FAM110C: variants seen among roughly 807,000 people sequenced by gnomAD.
FAM110C encodes protein FAM110C.
Under a neutral mutation model 15.7 loss-of-function variants are expected in FAM110C, and 19 were observed. The observed-to-expected ratio is 1.21, with a 90% CI of 0.85 to 1.78. The LOEUF is 1.78. Ranked by LOEUF, FAM110C falls within the 40% of genes most tolerant of loss-of-function variation. The pLI, the probability that FAM110C is intolerant of heterozygous loss-of-function variation, is 0.00. For missense variants in FAM110C, 547 were observed against 495.7 expected (o/e 1.10, Z -0.98); for synonymous variants, 275 against 233.9 (o/e 1.18, Z -1.61).
chr2:45,437 C>T lies in FAM110C; in HGVS notation c.946+3G>A, dbSNP rs1664248332. The T allele has an allele frequency of 1.2e-6, 2 of 1,603,540 alleles. No homozygotes were observed. Among genetic ancestry groups the T allele is most frequent in the Non-Finnish European group, 1.7e-6 (2 of 1,173,112 alleles). Reference sequence around the variant, plus strand: ...CCCCGCCCCCAGCCTTCTGGGCACACACCTCGGGTCCGGCTCTGCTCCTGG... The same window carrying T: ...CCCCGCCCCCAGCCTTCTGGGCACATACCTCGGGTCCGGCTCTGCTCCTGG... On this transcript the variant is annotated splice_donor_region_variant and intron_variant, in intron 1 of 1. Transcript: ENST00000327669.
At position 42,252 on chromosome 2, in the gene FAM110C, G is replaced by T. The variant is rs143152150; in HGVS notation, c.947-625C>A. On this transcript the variant is annotated intron_variant, in intron 1 of 1. Transcript: ENST00000327669. ...CAACTCTGTTCCAGGAGCTTTCGAT[G>T]CGCTTCTACAGGTATTTCTTTTTTC... is the stretch of plus-strand genomic sequence containing the variant. 147 of 985,372 alleles carry T rather than the reference G, an allele frequency of 1.5e-4. No homozygotes were observed. The African/African-American group carries it at 2.5e-3, about 17-fold the overall frequency. 61.0% of individuals were successfully genotyped at this position (985,372 alleles called of 1,614,324 possible). A position where few individuals can be genotyped will look rare whatever the true frequency, so the allele number is the denominator to read the frequency against.
rs1664055657 is a variant in FAM110C, at chr2:38,948, G to C, written c.*2660C>G. 6.6e-6 allele frequency: 1 copy of C among 152,178 alleles called. No individual in the cohort carries two copies. Among genetic ancestry groups the C allele is most frequent in the Non-Finnish European group, 1.5e-5 (1 of 68,032 alleles). The allele number at this position is 152,178 out of a possible 1,614,324, so 9.4% of individuals were successfully genotyped here. On this transcript the variant is annotated 3_prime_UTR_variant, in exon 2 of 2. Transcript: ENST00000327669. Reference sequence around the variant, plus strand: ...TGTCTAAGTCTACTAATGTTTTCTGGCATCACCAATGATAACCACAGTGCT... The same window carrying C: ...TGTCTAAGTCTACTAATGTTTTCTGCCATCACCAATGATAACCACAGTGCT...
rs1032780963 is a variant in FAM110C at position 46,458 on chromosome 2, C to T, written c.-73G>A. On this transcript the variant is annotated 5_prime_UTR_variant, in exon 1 of 2. Transcript: ENST00000327669. ...GCTCGAGTGGTAGAGCCAGTCAGTC[C>T]CAGGGCCGGTTCCGAAGTCCGCGCC... 8.5e-6 allele frequency: 10 copies of T among 1,170,460 alleles called. No individual in the cohort carries two copies. Among genetic ancestry groups the T allele is most frequent in the Non-Finnish European group, 9.7e-6 (9 of 926,542 alleles). 72.5% of individuals were successfully genotyped at this position (1,170,460 alleles called of 1,614,324 possible).
At chr2:42,801 A>T (rs1664160086) in intron 1 of FAM110C, 2 of 984,086 alleles carry the variant, frequency 2.0e-6, no homozygotes. Flanking sequence ...TTCACTTAGA[A>T]AACCTACCTT....
rs2103273870 is a variant in FAM110C, at chr2:45,977, C to A, written c.409G>T (p.Val137Leu). 1 of 1,458,068 alleles carries A rather than the reference C, an allele frequency of 6.9e-7. No individual in the cohort carries two copies. The highest frequency in any genetic ancestry group is 2.7e-5 in the East Asian group (1 of 37,454). The allele number at this position is 1,458,068 out of a possible 1,614,324, so 90.3% of individuals were successfully genotyped here. A position where few individuals can be genotyped will look rare whatever the true frequency, so the allele number is the denominator to read the frequency against. Residue 137 changes from valine to leucine, a missense_variant, in exon 1 of 2, where the codon GTG (valine) becomes TTG (leucine). By Grantham distance (32) the Val-to-Leu change is conservative. Transcript: ENST00000327669. ...TTGCCCTCGTCTCCCGTCCGGGGCA[C>A]CGGCGCCTTGTCCTTACCCGGCCCC... ...FQGPGKDKAPVPRTGDEGKAG... is the reference protein window; with the variant it reads ...FQGPGKDKAPLPRTGDEGKAG...
intron 1 of FAM110C, chr2:45,080 G>A (rs1046502848): frequency 2.0e-6 from 2 of 985,274 alleles, no homozygotes; most frequent in Non-Finnish European, 2.4e-6. Context: ...TTCAGCTCAG[G>A]AAAGAATACT....
intron 1 of FAM110C, chr2:44,968 C>A (rs76311939): frequency 2.0e-6 from 2 of 985,386 alleles, no homozygotes; most frequent in Middle Eastern, 5.2e-4. Flanking sequence ...AACACAGCAG[C>A]GCCTACCTAG....
intron 1 of FAM110C, chr2:42,979 C>CT: frequency 1.0e-6 from 1 of 985,470 alleles, no homozygotes; most frequent in Non-Finnish European, 1.2e-6. Context: ...GCCCCACTGA[C>CT]CAGGTGTTCA....
At position 45,957 on chromosome 2, in the gene FAM110C, C is replaced by T. The variant is rs774791132; in HGVS notation, c.429G>A (p.Glu143=). ...CCGTCTCCGGGTTCCCGGCCTTGCC[C>T]TCGTCTCCCGTCCGGGGCACCGGCG... ...DKAPVPRTGD[E]GKAGNPETVP... Residue 143 remains glutamate (E), a synonymous_variant, in exon 1 of 2, where the codon GAG becomes GAA. Coordinates refer to ENST00000327669, the MANE Select transcript of FAM110C (RefSeq NM_001077710.3). The T allele has an allele frequency of 6.9e-7, 1 of 1,440,618 alleles. No homozygotes were observed. The highest frequency in any genetic ancestry group is 9.1e-7 in the Non-Finnish European group (1 of 1,104,226). The allele number at this position is 1,440,618 out of a possible 1,614,324, so 89.2% of individuals were successfully genotyped here. A position where few individuals can be genotyped will look rare whatever the true frequency, so the allele number is the denominator to read the frequency against.
rs1426466340 is a variant in FAM110C, at chr2:46,216, C to A, written c.170G>T (p.Gly57Val). The A allele has an allele frequency of 7.2e-7, 1 of 1,385,878 alleles. No individual in the cohort carries two copies. The highest frequency in any genetic ancestry group is 3.4e-5 in the Admixed American group (1 of 29,654). 85.8% of individuals were successfully genotyped at this position (1,385,878 alleles called of 1,614,324 possible). A position where few individuals can be genotyped will look rare whatever the true frequency, so the allele number is the denominator to read the frequency against. ...CGGGCCGCTGCCCTCGGAAGCGACG[C>A]CCCGGCCAGTCCCCGGCCGACCCCG... ...YVRGRPGTGR[G>V]VASEGSGPGA... Residue 57 changes from glycine to valine, a missense_variant, in exon 1 of 2, where the codon GGC (glycine) becomes GTC (valine). By Grantham distance (109) the Gly-to-Val change is moderately radical (BLOSUM62 -3). Coordinates refer to ENST00000327669, the MANE Select transcript of FAM110C (RefSeq NM_001077710.3).
At position 45,871 on chromosome 2, in the gene FAM110C, G is replaced by A; in HGVS notation, c.515C>T (p.Ala172Val). 2 of 1,488,750 alleles carry A rather than the reference G, an allele frequency of 1.3e-6. No individual in the cohort carries two copies. Among genetic ancestry groups the A allele is most frequent in the Non-Finnish European group, 1.8e-6 (2 of 1,128,968 alleles). 92.2% of individuals were successfully genotyped at this position (1,488,750 alleles called of 1,614,324 possible). ...GACACTGGAGGGCGCCGCGGACCGC[G>A]CGGCTGGGGCTGGGGTCTCGGGGAT... is the stretch of plus-strand genomic sequence containing the variant. ...PAIPETPAPA[A>V]RSAAPSSVPA... is the part of the protein sequence containing the mutation. Residue 172 changes from alanine to valine, a missense_variant, in exon 1 of 2, where the codon GCG becomes GTG. Transcript: ENST00000327669.
At position 41,350 on chromosome 2, in the gene FAM110C, A is replaced by G; in HGVS notation, c.*258T>C. On this transcript the variant is annotated 3_prime_UTR_variant, in exon 2 of 2. Transcript: ENST00000327669. ...ATTTCCAAACAGCTTTACGGTTTCCAGCTGCCCTCTGGAAGCAACACTAGT... is the reference window on the plus strand; with the variant it reads ...ATTTCCAAACAGCTTTACGGTTTCCGGCTGCCCTCTGGAAGCAACACTAGT... The G allele has an allele frequency of 2.5e-6, 1 of 406,170 alleles. No individual in the cohort carries two copies. The highest frequency in any genetic ancestry group is 4.3e-6 in the Non-Finnish European group (1 of 229,964). 25.2% of individuals were successfully genotyped at this position (406,170 alleles called of 1,614,324 possible). A position where few individuals can be genotyped will look rare whatever the true frequency, so the allele number is the denominator to read the frequency against.
chr2:45,398 C>A, intron 1 of FAM110C, 42 bp downstream of exon 1: 2 of 1,566,206 alleles, frequency 1.3e-6, no homozygotes, highest in Non-Finnish European at 1.7e-6. Context: ...ATTCACAGCC[C>A]CGCACACGGC....
chr2:41,623 G>T lies in FAM110C; in HGVS notation c.951C>A (p.Ser317Arg), dbSNP rs773351807. 4 of 1,613,262 alleles carry T rather than the reference G, an allele frequency of 2.5e-6. No homozygotes were observed. The highest frequency in any genetic ancestry group is 1.7e-6 in the Non-Finnish European group (2 of 1,179,738). Residue 317 changes from serine to arginine, a missense_variant, in exon 2 of 2, where the codon AGC becomes AGA. Physicochemically the swap from Ser to Arg is moderately radical, Grantham distance 110 (BLOSUM62 -1). Transcript: ENST00000327669. The part of the protein sequence containing the change: ...PSQEQSRTRG[S>R]KPSR ...GAAGTCTTCATCATCGGGAAGGTTT[G>T]CTTCCTGAGGAGTTAAAGAAAAAAT...
Position 45,596 on chromosome 2 carries a change from T to G in FAM110C, c.790A>C (p.Ser264Arg), listed in dbSNP as rs1172115867. Residue 264 changes from serine (S) to arginine (R), a missense_variant, in exon 1 of 2, where the codon AGC (serine) becomes CGC (arginine). Ser to Arg is a moderately radical substitution (Grantham distance 110). Transcript: ENST00000327669. ...ATSGSGFSRH[S>R]GGDDEGLQEE... ...TGCAGCCCCTCGTCGTCGCCGCCGCTGTGCCGGGAGAAGCCGCTGCCGGAG... is the reference window on the plus strand; with the variant it reads ...TGCAGCCCCTCGTCGTCGCCGCCGCGGTGCCGGGAGAAGCCGCTGCCGGAG... 1 of 1,612,526 alleles carries G rather than the reference T, an allele frequency of 6.2e-7. No homozygotes were observed. Among genetic ancestry groups the G allele is most frequent in the East Asian group, 2.2e-5 (1 of 44,860 alleles).
chr2:44,488 T>C lies in FAM110C; in HGVS notation c.946+952A>G, dbSNP rs868680890. Reference sequence around the variant, plus strand: ...AGAAAATAATTTCATCTCATGATTTTTAAAATTTACTTATAGCAAGTTGTC... The same window carrying C: ...AGAAAATAATTTCATCTCATGATTTCTAAAATTTACTTATAGCAAGTTGTC... On this transcript the variant is annotated intron_variant, in intron 1 of 1. Transcript: ENST00000327669. 103 of 985,288 alleles carry C rather than the reference T, an allele frequency of 1.0e-4. No homozygotes were observed. The African/African-American group carries it at 1.7e-3, about 16-fold the overall frequency. The allele number at this position is 985,288 out of a possible 1,614,324, so 61.0% of individuals were successfully genotyped here.
intron 1 of FAM110C, chr2:42,012 G>A: frequency 1.0e-6 from 1 of 985,378 alleles, no homozygotes; most frequent in Non-Finnish European, 1.2e-6. Context: ...ATATCTGAGG[G>A]CAAACAGATT....
At chr2:41,667 T>C in intron 1 of FAM110C, 40 bp from the exon 2 acceptor site, 1 of 1,612,580 alleles carries the variant, frequency 6.2e-7, no homozygotes, top group Non-Finnish European at 8.5e-7. Context: ...AACTCCAGTC[T>C]AGACAAAAGT....
intron 1 of FAM110C, chr2:44,834 T>C: frequency 1.0e-6 from 1 of 985,420 alleles, no homozygotes; most frequent in Non-Finnish European, 1.2e-6. Context: ...AAATAAAATT[T>C]AGCCAAATAA....
Sources: gnomAD v4.1 joint callset for allele counts on GRCh38, gnomAD v4.1.1 for gene constraint, MANE v1.5 for transcripts, NCBI Gene and HGNC (gene_info 2026-07-23, HGNC 2026-07-21) for gene names.